Variants in ACAP2 observed in about 807,000 individuals in gnomAD.
ACAP2 encodes ArfGAP with coiled-coil, ankyrin repeat and PH domains 2, also known as arf-GAP with coiled-coil, ANK repeat and PH domain-containing protein 2.
In ACAP2, 39 loss-of-function variants were observed where a neutral mutation model predicts 115.8. That is an observed-to-expected ratio of 0.34 (90% CI 0.26 to 0.44). ACAP2 has a LOEUF of 0.44. Ranked by LOEUF, ACAP2 falls within the 20% of genes least tolerant of loss-of-function variation. The probability of loss-of-function intolerance (pLI) is 1.00; values close to 1 mark genes in which losing one functional copy is unlikely to be tolerated. For missense variants in ACAP2, 662 were observed against 927.6 expected, an observed-to-expected ratio of 0.71 and a Z score of 3.72; for synonymous variants, 289 against 315.8, an observed-to-expected ratio of 0.92 and a Z score of 0.90.
At position 195,312,767 on chromosome 3, in the gene ACAP2, A is replaced by G. The variant is rs766837671; in HGVS notation, c.858-3930T>C. ...AAACAAATTGAGGAGATGTGCAACT[A>G]AAAGGTATAATTCCATTTCTCAAAT... On this transcript the variant is annotated intron_variant, in intron 10 of 22. Transcript: ENST00000326793. 4.1e-4 allele frequency among the ~76,000 whole-genome samples: 63 copies of G among 152,254 alleles called. 2 individuals are homozygous for G. The highest frequency in any genetic ancestry group is 6.2e-4 in the South Asian group (3 of 4,832).
intron 10 of ACAP2, among the ~76,000 whole-genome samples, chr3:195,316,004 T>A (rs1473073460): frequency 1.3e-5 from 2 of 152,230 alleles, no homozygotes; most frequent in African/African-American, 4.8e-5. Context: ...CTCATTGTAG[T>A]AGTCCATGGA....
intron 1 of ACAP2, among the ~76,000 whole-genome samples, chr3:195,409,951 G>C (rs1713123344): frequency 1.3e-5 from 2 of 148,846 alleles, no homozygotes; most frequent in Admixed American, 1.3e-4. Flanking sequence ...AAATCTCAAG[G>C]GACAATGGAT....
chr3:195,322,475 A>G (rs1367786556), intron 9 of ACAP2, among the ~76,000 whole-genome samples: 1 of 152,082 alleles, frequency 6.6e-6, no homozygotes, highest in East Asian at 1.9e-4. Flanking sequence ...TCAAAAGAGA[A>G]AAAAAAATAA....
chr3:195,433,159 A>C (rs1715268376), intron 1 of ACAP2, among the ~76,000 whole-genome samples: 1 of 152,178 alleles, frequency 6.6e-6, no homozygotes, highest in Admixed American at 6.5e-5. Context: ...ATAAAATGGC[A>C]CTGTATTTGC....
At chr3:195,334,523 T>C (rs1255814297) in intron 7 of ACAP2, among the ~76,000 whole-genome samples, 2 of 151,794 alleles carry the variant, frequency 1.3e-5, no homozygotes, top group Non-Finnish European at 2.9e-5. Flanking sequence ...ATGTTATAAA[T>C]CAACATGAAA....
At chr3:195,281,088 G>C (rs1349614515) in intron 22 of ACAP2, among the ~76,000 whole-genome samples, 2 of 152,134 alleles carry the variant, frequency 1.3e-5, no homozygotes, top group African/African-American at 2.4e-5. Flanking sequence ...AACAGCATAA[G>C]CCAAGATTTT....
intron 8 of ACAP2, among the ~76,000 whole-genome samples, chr3:195,328,042 C>G (rs1275237857): frequency 6.6e-6 from 1 of 151,912 alleles, no homozygotes; most frequent in African/African-American, 2.4e-5. Context: ...TTTCCAGTAA[C>G]ATGTCACGAG....
intron 4 of ACAP2, among the ~76,000 whole-genome samples, chr3:195,378,792 C>T (rs1005256147): frequency 3.4e-5 from 5 of 149,134 alleles, no homozygotes; most frequent in African/African-American, 7.4e-5. Context: ...ACCCGGGAGG[C>T]GGAGGCTGCA....
In ACAP2 at chr3:195,295,700, T is replaced by C. The variant is rs753778608; in HGVS notation, c.1672+8A>G. The C allele has an allele frequency of 1.6e-5, 26 of 1,613,904 alleles. No homozygotes were observed. In the Admixed American group the frequency reaches 4.3e-4, roughly 27 times the overall value. Reference sequence around the variant, plus strand: ...TAGCTATAGACACAGTAAGAAAGTTTGCCATACCTGAACTTTGGGCAGATG... The same window carrying C: ...TAGCTATAGACACAGTAAGAAAGTTCGCCATACCTGAACTTTGGGCAGATG... On this transcript the variant is annotated splice_region_variant and intron_variant, in intron 17 of 22. Coordinates refer to ENST00000326793, the MANE Select transcript of ACAP2 (RefSeq NM_012287.6).
At chr3:195,337,844 C>A (rs1029452868) in intron 6 of ACAP2, among the ~76,000 whole-genome samples, 1 of 152,212 alleles carries the variant, frequency 6.6e-6, no homozygotes. Context: ...GTGGCCCCTA[C>A]CTACCTTACC....
intron 4 of ACAP2, among the ~76,000 whole-genome samples, chr3:195,364,319 G>A (rs899979930): frequency 2.0e-5 from 3 of 152,020 alleles, no homozygotes; most frequent in East Asian, 3.9e-4. Flanking sequence ...CATACAAATG[G>A]CCAACAGGCA....
intron 10 of ACAP2, among the ~76,000 whole-genome samples, chr3:195,311,398 T>A (rs1256510584): frequency 6.7e-6 from 1 of 149,454 alleles, no homozygotes; most frequent in African/African-American, 2.5e-5. Flanking sequence ...CGCCCGGCCC[T>A]AGTTGTTACT....
chr3:195,370,178 A>G (rs1481865937), intron 4 of ACAP2, among the ~76,000 whole-genome samples: 2 of 152,144 alleles, frequency 1.3e-5, no homozygotes, highest in African/African-American at 4.8e-5. Context: ...TAGTTTGCAA[A>G]TATTTTCTCC....
At chr3:195,309,717 C>T (rs1228213622) in intron 10 of ACAP2, among the ~76,000 whole-genome samples, 2 of 152,082 alleles carry the variant, frequency 1.3e-5, no homozygotes, top group Middle Eastern at 3.2e-3. Context: ...ATTAGCTTGG[C>T]CTTACTTTCA....
chr3:195,289,208 C>G lies in ACAP2; in HGVS notation c.2087G>C (p.Arg696Pro). Residue 696 changes from arginine to proline, a missense_variant, in exon 21 of 23, where the codon CGA becomes CCA. By Grantham distance (103) the Arg-to-Pro change is moderately radical. Transcript: ENST00000326793. The stretch of plus-strand genomic sequence containing the variant: ...ATCAGTGGCATGTTGATTGGCACCT[C>G]GTTTTAGGAATAAACATACCTGCCT... Reference protein sequence around the residue: ...HTGQVCLFLKRGANQHATDEE... With the variant: ...HTGQVCLFLKPGANQHATDEE... The G allele has an allele frequency of 6.2e-7, 1 of 1,612,538 alleles. No homozygotes were observed. Among genetic ancestry groups the G allele is most frequent in the Non-Finnish European group, 8.5e-7 (1 of 1,179,564 alleles).
intron 1 of ACAP2, among the ~76,000 whole-genome samples, chr3:195,417,400 T>A (rs1713822361): frequency 6.6e-6 from 1 of 152,136 alleles, no homozygotes; most frequent in South Asian, 2.1e-4. Context: ...AAGACATAAA[T>A]CTAGACATCA....
intron 4 of ACAP2, among the ~76,000 whole-genome samples, chr3:195,357,188 C>A (rs1208406799): frequency 6.6e-6 from 1 of 151,944 alleles, no homozygotes. Flanking sequence ...TGGCAGTACT[C>A]CCTGTGGGCC....
chr3:195,329,634 T>A (rs1730040997), intron 8 of ACAP2, among the ~76,000 whole-genome samples: 1 of 152,172 alleles, frequency 6.6e-6, no homozygotes, highest in Non-Finnish European at 1.5e-5. Context: ...ATCTACCCAC[T>A]GTCATTCCGC....
intron 1 of ACAP2, among the ~76,000 whole-genome samples, chr3:195,423,265 G>T (rs568879038): frequency 6.6e-6 from 1 of 152,064 alleles, no homozygotes; most frequent in African/African-American, 2.4e-5. Flanking sequence ...AGTAACAACC[G>T]GTAACTCTAG....
Sources: allele counts gnomAD v4.1 joint callset (sites outside exome capture counted in the v4.1 genomes callset), GRCh38; gene constraint gnomAD v4.1.1; transcripts MANE v1.5; gene names NCBI Gene and HGNC (gene_info 2026-07-23, HGNC 2026-07-21).